Variants in ACOT12 observed in about 807,000 individuals in gnomAD.
ACOT12 encodes acyl-CoA thioesterase 12, also known as acetyl-coenzyme A thioesterase.
Under a neutral mutation model 67.7 loss-of-function variants are expected in ACOT12, and 51 were observed. The observed-to-expected ratio is 0.75, with a 90% confidence interval of 0.60 to 0.95. The LOEUF is 0.95. Ranked by LOEUF, ACOT12 falls within the 40% of genes least tolerant of loss-of-function variation. ACOT12 has a pLI of 0.00. For missense variants in ACOT12, 734 were observed against 708.1 expected (o/e 1.04, Z -0.41); for synonymous variants, 251 against 244.6 (o/e 1.03, Z -0.24).
chr5:81,326,117 CTTTT>C (rs1199895738), downstream of ACOT12, among the ~76,000 whole-genome samples: 1 of 77,030 alleles, frequency 1.3e-5, no homozygotes, highest in Admixed American at 2.0e-4. Context: ...CCCTGAGATT[CTTTT>C]TTTTTTTTTT....
rs1048294253 is a variant in ACOT12, at chr5:81,371,628, G to C, written c.258+122C>G. 6.2e-6 allele frequency: 6 copies of C among 966,200 alleles called. No individual in the cohort carries two copies. The Admixed American group carries it at 1.3e-4, about 21-fold the overall frequency. 59.9% of individuals were successfully genotyped at this position (966,200 alleles called of 1,614,324 possible). The stretch of plus-strand genomic sequence containing the variant: ...ACCTGTGACCTGACTACACATTCCA[G>C]AGCCTTCTGAAATAGAGAATCTCAC... On this transcript the variant is annotated intron_variant, in intron 3 of 14. Transcript: ENST00000307624.
intron 11 of ACOT12, 146 bp from the exon 12 acceptor site, chr5:81,336,047 C>G: frequency 1.2e-6 from 1 of 847,914 alleles, no homozygotes; most frequent in East Asian, 2.7e-5. Flanking sequence ...ATGGCAATTT[C>G]TCTTCAAATA....
chr5:81,391,450 T>C (rs1760863028), intron 1 of ACOT12, among the ~76,000 whole-genome samples: 1 of 152,252 alleles, frequency 6.6e-6, no homozygotes, highest in Non-Finnish European at 1.5e-5. Context: ...GTTATAAGCC[T>C]ACTTTTGTTC....
chr5:81,331,866 T>G (rs1416416333), intron 13 of ACOT12, among the ~76,000 whole-genome samples: 1 of 152,240 alleles, frequency 6.6e-6, no homozygotes, highest in African/African-American at 2.4e-5. Context: ...TCATCCTTTT[T>G]AATGATGGTA....
At chr5:81,321,095 A>C in the ACOT12 span, among the ~76,000 whole-genome samples, 1 of 152,138 alleles carries the variant, frequency 6.6e-6, no homozygotes, top group East Asian at 1.9e-4. Context: ...GTCTCTACAA[A>C]AAATACAAAA....
the ACOT12 span, chr5:81,312,834 A>G: frequency 4.3e-6 from 2 of 467,068 alleles, no homozygotes; most frequent in Non-Finnish European, 7.7e-6. Flanking sequence ...TAGTACTTCT[A>G]CCACTGTTTG....
chr5:81,374,510 A>C (rs181811595), intron 2 of ACOT12, among the ~76,000 whole-genome samples: 1 of 152,344 alleles, frequency 6.6e-6, no homozygotes. Flanking sequence ...TGACAGAAGA[A>C]GGCTTCAGAA....
At chr5:81,380,715 G>T (rs1490442666) in intron 2 of ACOT12, among the ~76,000 whole-genome samples, 1 of 152,168 alleles carries the variant, frequency 6.6e-6, no homozygotes, top group Non-Finnish European at 1.5e-5. Flanking sequence ...TGGAGGGCCA[G>T]TTGAAAAATG....
chr5:81,381,945 C>G (rs1036597637), intron 2 of ACOT12, among the ~76,000 whole-genome samples: 16 of 152,094 alleles, frequency 1.1e-4, no homozygotes, highest in Admixed American at 9.2e-4. Flanking sequence ...GAGAAAGAAA[C>G]TGCATAAATA....
intron 4 of ACOT12, among the ~76,000 whole-genome samples, chr5:81,363,099 C>T (rs1287016929): frequency 6.6e-6 from 1 of 151,988 alleles, no homozygotes; most frequent in African/African-American, 2.4e-5. Flanking sequence ...GTGAAAGACT[C>T]ATATTCCAGA....
the ACOT12 span, among the ~76,000 whole-genome samples, chr5:81,323,952 A>G: frequency 6.7e-6 from 1 of 149,126 alleles, no homozygotes; most frequent in Non-Finnish European, 1.5e-5. Context: ...ATATATATAT[A>G]TATTTTTTAG....
the ACOT12 span, among the ~76,000 whole-genome samples, chr5:81,319,962 A>G: frequency 5.1e-5 from 7 of 136,820 alleles, no homozygotes; most frequent in South Asian, 1.4e-3. Context: ...AAGAGTAAAC[A>G]CAGAGAGAGA....
chr5:81,314,720 T>C, the ACOT12 span, among the ~76,000 whole-genome samples: 2 of 152,208 alleles, frequency 1.3e-5, no homozygotes, highest in African/African-American at 4.8e-5. Flanking sequence ...CCACATGCAT[T>C]ATAATGGGGC....
At chr5:81,372,760 A>G (rs545991277) in intron 2 of ACOT12, among the ~76,000 whole-genome samples, 1 of 152,306 alleles carries the variant, frequency 6.6e-6, no homozygotes, top group African/African-American at 2.4e-5. Context: ...TCTGACTTAT[A>G]CATTTCACTA....
At chr5:81,328,078 T>C (rs1325105033), downstream of ACOT12, among the ~76,000 whole-genome samples, 1 of 152,176 alleles carries the variant, frequency 6.6e-6, no homozygotes, top group African/African-American at 2.4e-5. Context: ...TTTCCTAGAA[T>C]GTGCCAGAAA....
intron 5 of ACOT12, among the ~76,000 whole-genome samples, chr5:81,349,860 T>C (rs541349845): frequency 1.3e-5 from 2 of 152,368 alleles, no homozygotes; most frequent in South Asian, 4.1e-4. Context: ...ATAGTTGTAC[T>C]GACACTTCTG....
chr5:81,378,259 G>A (rs1227534707), intron 2 of ACOT12, among the ~76,000 whole-genome samples: 2 of 152,092 alleles, frequency 1.3e-5, no homozygotes, highest in Non-Finnish European at 2.9e-5. Flanking sequence ...TTAATAAATG[G>A]CGTTAGGAAA....
intron 2 of ACOT12, among the ~76,000 whole-genome samples, chr5:81,372,938 A>T (rs1760298873): frequency 6.6e-6 from 1 of 152,222 alleles, no homozygotes; most frequent in African/African-American, 2.4e-5. Flanking sequence ...GGAATTATTG[A>T]TAATTCATTA....
chr5:81,360,102 T>C, intron 4 of ACOT12, 64 bp from the exon 5 acceptor site: 2 of 1,531,142 alleles, frequency 1.3e-6, no homozygotes, highest in Non-Finnish European at 1.8e-6. Context: ...AGCATGAATT[T>C]TGCAAAACAA....
Sources: allele counts gnomAD v4.1 joint callset (sites outside exome capture counted in the v4.1 genomes callset), GRCh38; gene constraint gnomAD v4.1.1; transcripts MANE v1.5; gene names NCBI Gene and HGNC (gene_info 2026-07-23, HGNC 2026-07-21).